Variants in WDPCP observed in about 807,000 individuals in gnomAD.
The protein encoded by WDPCP is WD repeat-containing and planar cell polarity effector protein fritz homolog.
Under a neutral mutation model 93.1 loss-of-function variants are expected in WDPCP, and 71 were observed. That is an observed-to-expected ratio of 0.76 (90% CI 0.63 to 0.93). WDPCP has a LOEUF of 0.93. Among genes scored for constraint, WDPCP ranks in the 40% least tolerant of loss-of-function variants. The pLI, the probability that WDPCP is intolerant of heterozygous loss-of-function variation, is 0.00. For synonymous variants in WDPCP, 315 were observed against 315.0 expected (o/e 1.00, Z 0.00); for missense variants, 844 against 887.4 (o/e 0.95, Z 0.62).
At chr2:63,201,204 G>A (rs1675885641) in intron 14 of WDPCP, among the ~76,000 whole-genome samples, 1 of 152,068 alleles carries the variant, frequency 6.6e-6, no homozygotes, top group Non-Finnish European at 1.5e-5. Flanking sequence ...AGACATGTAG[G>A]ACATGCCTGC....
chr2:63,159,826 G>A (rs991901743), intron 15 of WDPCP, among the ~76,000 whole-genome samples: 1 of 151,948 alleles, frequency 6.6e-6, no homozygotes, highest in Non-Finnish European at 1.5e-5. Context: ...TTATATACTG[G>A]TTAGAATCAG....
At chr2:63,816,021 A>G (rs951062938) in intron 1 of WDPCP, among the ~76,000 whole-genome samples, 3 of 152,142 alleles carry the variant, frequency 2.0e-5, no homozygotes, top group African/African-American at 7.2e-5. Flanking sequence ...AGAATTCTGT[A>G]TCTTGTCTCT....
chr2:63,320,630 T>C (rs1032801703), intron 12 of WDPCP, among the ~76,000 whole-genome samples: 9 of 152,050 alleles, frequency 5.9e-5, no homozygotes, highest in Admixed American at 3.9e-4. Context: ...CTAAGTGGAC[T>C]GTAGAACACT....
At chr2:63,311,677 G>A (rs1686198875) in intron 13 of WDPCP, among the ~76,000 whole-genome samples, 1 of 152,150 alleles carries the variant, frequency 6.6e-6, no homozygotes, top group Non-Finnish European at 1.5e-5. Flanking sequence ...ACTGGATGAA[G>A]GTGATTTGAA....
At chr2:63,438,904 C>T (rs1221994831) in intron 7 of WDPCP, among the ~76,000 whole-genome samples, 1 of 151,952 alleles carries the variant, frequency 6.6e-6, no homozygotes, top group Non-Finnish European at 1.5e-5. Context: ...AACCTTTTTA[C>T]CTTGAATAAA....
chr2:63,487,616 A>G (rs756988102), intron 2 of WDPCP, 122 bp from the exon 3 acceptor site: 45 of 668,942 alleles, frequency 6.7e-5, no homozygotes, highest in Non-Finnish European at 1.1e-4. Context: ...TTATGCTACT[A>G]GAAATAAAAT....
At chr2:63,359,966 G>C (rs1326134820) in intron 12 of WDPCP, 1 of 152,370 alleles carries the variant, frequency 6.6e-6, no homozygotes, top group East Asian at 1.9e-4. Flanking sequence ...AGTGGTCCCA[G>C]CTACTCGGGA....
intron 14 of WDPCP, among the ~76,000 whole-genome samples, chr2:63,236,991 C>T (rs1459626512): frequency 1.3e-5 from 2 of 151,814 alleles, no homozygotes; most frequent in East Asian, 1.9e-4. Flanking sequence ...TCGGGACCTG[C>T]TTAAACTAAA....
intron 1 of WDPCP, among the ~76,000 whole-genome samples, chr2:63,827,275 CTTTGT>C (rs1255562666): frequency 1.3e-5 from 2 of 152,244 alleles, no homozygotes; most frequent in Admixed American, 1.3e-4. Context: ...AATCCTTCAG[CTTTGT>C]TTTATTAAAC....
chr2:63,618,982 T>G (rs1709703330), intron 3 of WDPCP, among the ~76,000 whole-genome samples: 1 of 152,166 alleles, frequency 6.6e-6, no homozygotes, highest in African/African-American at 2.4e-5. Flanking sequence ...AGCCACTGCG[T>G]CCAGCCTGGA....
intron 2 of WDPCP, among the ~76,000 whole-genome samples, chr2:63,794,104 CA>C (rs1189053475): frequency 6.6e-6 from 1 of 151,858 alleles, no homozygotes; most frequent in African/African-American, 2.4e-5. Flanking sequence ...CCATGTCATG[CA>C]AAAAAAGACA....
chr2:63,700,282 C>CAAAAAAAAAAA (rs1196006011), intron 2 of WDPCP, among the ~76,000 whole-genome samples: 5 of 41,564 alleles, frequency 1.2e-4, no homozygotes, highest in Non-Finnish European at 1.8e-4. Context: ...GACCCTGTCT[C>CAAAAAAAAAAA]AAAAAAAAAA....
intron 17 of WDPCP, among the ~76,000 whole-genome samples, chr2:63,144,356 C>T (rs1460507847): frequency 1.3e-5 from 2 of 152,168 alleles, no homozygotes; most frequent in African/African-American, 2.4e-5. Context: ...CTCAATGGCT[C>T]AATGCAACCT....
chr2:63,447,011 T>G (rs1038898261), intron 6 of WDPCP, among the ~76,000 whole-genome samples: 2 of 152,230 alleles, frequency 1.3e-5, no homozygotes, highest in Non-Finnish European at 2.9e-5. Flanking sequence ...CTATTGTTAA[T>G]GTTGTTAGTA....
intron 2 of WDPCP, among the ~76,000 whole-genome samples, chr2:63,682,933 A>C (rs1170298675): frequency 6.6e-6 from 1 of 152,206 alleles, no homozygotes; most frequent in African/African-American, 2.4e-5. Context: ...AGAAACAACA[A>C]AAGTTAAAAA....
chr2:63,490,251 G>T (rs1306408472), intron 2 of WDPCP, among the ~76,000 whole-genome samples: 1 of 152,092 alleles, frequency 6.6e-6, no homozygotes, highest in African/African-American at 2.4e-5. Flanking sequence ...GGTCCATTTA[G>T]ACTGAAGTAC....
intron 2 of WDPCP, among the ~76,000 whole-genome samples, chr2:63,656,474 G>A (rs1328473487): frequency 1.3e-5 from 2 of 152,218 alleles, no homozygotes; most frequent in African/African-American, 2.4e-5. Context: ...AGAGGGCCAT[G>A]GAAACTGACT....
chr2:63,292,370 T>A (rs76322763), intron 13 of WDPCP, among the ~76,000 whole-genome samples: 3 of 150,040 alleles, frequency 2.0e-5, no homozygotes, highest in Non-Finnish European at 4.4e-5. Context: ...CAGTTTTATT[T>A]AAAAAAAAAA....
At chr2:63,223,663 T>C (rs1678026501) in intron 14 of WDPCP, among the ~76,000 whole-genome samples, 1 of 152,124 alleles carries the variant, frequency 6.6e-6, no homozygotes, top group African/African-American at 2.4e-5. Flanking sequence ...TTTCAGGAGA[T>C]TGGCCCTCTG....
Sources: allele counts gnomAD v4.1 joint callset (sites outside exome capture counted in the v4.1 genomes callset), GRCh38; gene constraint gnomAD v4.1.1; transcripts MANE v1.5; gene names NCBI Gene and HGNC (gene_info 2026-07-23, HGNC 2026-07-21).